The following GNPTAB variants were observed in gnomAD, a reference collection of about 807,000 sequenced individuals.
GNPTAB encodes N-acetylglucosamine-1-phosphotransferase subunits alpha/beta.
In GNPTAB, 92 loss-of-function variants were observed where a neutral mutation model predicts 136.6. The ratio of observed to expected loss-of-function variants is 0.67; its 90% CI spans 0.57 to 0.80. GNPTAB has a LOEUF of 0.80. Among genes scored for constraint, GNPTAB ranks in the 30% least tolerant of loss-of-function variants. The pLI is 0.00. For synonymous variants in GNPTAB, 512 were observed against 535.1 expected (o/e 0.96, Z 0.60); for missense variants, 1,343 against 1,501.8 (o/e 0.89, Z 1.75).
intron 1 of GNPTAB, among the ~76,000 whole-genome samples, chr12:101,802,527 C>A (rs1219510568): frequency 2.6e-5 from 4 of 151,502 alleles, no homozygotes; most frequent in Admixed American, 2.6e-4. Context: ...GGGATTTAGA[C>A]AAAAACACCC....
chr12:101,816,789 C>T (rs567414564), intron 1 of GNPTAB, among the ~76,000 whole-genome samples: 42 of 152,296 alleles, frequency 2.8e-4, no homozygotes, highest in African/African-American at 7.9e-4. Flanking sequence ...GATTTGGAGG[C>T]AAGCTAAGTG....
intron 1 of GNPTAB, among the ~76,000 whole-genome samples, chr12:101,826,237 C>G (rs1871078519): frequency 6.6e-6 from 1 of 152,098 alleles, no homozygotes; most frequent in Non-Finnish European, 1.5e-5. Context: ...GAAAAATTAC[C>G]ATTCATTACG....
intron 7 of GNPTAB, among the ~76,000 whole-genome samples, chr12:101,772,959 G>A (rs1953201379): frequency 1.3e-5 from 2 of 152,120 alleles, no homozygotes; most frequent in South Asian, 2.1e-4. Flanking sequence ...TGGGATTACA[G>A]GCAAGCACCA....
chr12:101,814,260 T>C (rs1391382495), intron 1 of GNPTAB, among the ~76,000 whole-genome samples: 4 of 151,570 alleles, frequency 2.6e-5, no homozygotes, highest in African/African-American at 4.9e-5. Flanking sequence ...CATTGAGCCA[T>C]TGCACTCCAG....
intron 1 of GNPTAB, among the ~76,000 whole-genome samples, chr12:101,826,838 A>C (rs956945601): frequency 1.3e-5 from 2 of 151,876 alleles, no homozygotes; most frequent in Non-Finnish European, 2.9e-5. Context: ...TAGTAACACC[A>C]TTTGTGGAGC....
At position 101,817,265 on chromosome 12, in the gene GNPTAB, CTTTTTTT is replaced by C. The variant is rs71438444; in HGVS notation, c.117+13287_117+13293del. On this transcript the variant is annotated intron_variant, in intron 1 of 20. Transcript: ENST00000299314. ...CCATTACCCAGATTTTATCATTCCA[CTTTTTTT>C]TTTTTTTTTTTTTTTGAGACAGGGT... Among the ~76,000 whole-genome samples, 80 of 108,188 alleles carry C rather than the reference CTTTTTTT, an allele frequency of 7.4e-4. 1 individual carries two copies. Among genetic ancestry groups the C allele is most frequent in the Middle Eastern group, 0.011 (2 of 178 alleles). 71.0% of individuals were successfully genotyped at this position (108,188 alleles called of 152,430 possible). A position where few individuals can be genotyped will look rare whatever the true frequency, so the allele number is the denominator to read the frequency against.
intron 1 of GNPTAB, among the ~76,000 whole-genome samples, chr12:101,827,093 T>C (rs1871126371): frequency 6.6e-6 from 1 of 151,002 alleles, no homozygotes; most frequent in South Asian, 2.1e-4. Context: ...CAGCTGGGAC[T>C]ACAGGCATGT....
chr12:101,814,943 G>C (rs1262551864), intron 1 of GNPTAB, among the ~76,000 whole-genome samples: 2 of 152,144 alleles, frequency 1.3e-5, no homozygotes, highest in South Asian at 2.1e-4. Context: ...GTGAGTAAAA[G>C]GCAAATAATG....
chr12:101,828,079 G>T (rs1299632609), intron 1 of GNPTAB, among the ~76,000 whole-genome samples: 1 of 152,176 alleles, frequency 6.6e-6, no homozygotes. Context: ...TTAACTATAT[G>T]ATCAAAGTAT....
intron 18 of GNPTAB, among the ~76,000 whole-genome samples, chr12:101,754,096 GA>G (rs1385620149): frequency 2.0e-5 from 3 of 150,528 alleles, no homozygotes; most frequent in Admixed American, 1.3e-4. Flanking sequence ...CTGCAGTGAG[GA>G]AAAAAAAGAA....
intron 1 of GNPTAB, among the ~76,000 whole-genome samples, chr12:101,827,352 C>T (rs1260194085): frequency 2.6e-5 from 4 of 152,062 alleles, no homozygotes; most frequent in African/African-American, 7.2e-5. Context: ...TCTCCTGCCT[C>T]GGCCTGCCAA....
At chr12:101,765,654 A>G (rs1953079724) in intron 12 of GNPTAB, 1 of 365,512 alleles carries the variant, frequency 2.7e-6, no homozygotes, top group Non-Finnish European at 5.1e-6. Flanking sequence ...CTATAGAGAT[A>G]TGGCATGGTT....
At position 101,788,422 on chromosome 12, in the gene GNPTAB, T is replaced by C. The variant is rs186251432; in HGVS notation, c.365+126A>G. ...TTTCCTGTCTAATAGATGTACCTAA[T>C]TTGGGGTCAAAAACTATATGGATAA... On this transcript the variant is annotated intron_variant, in intron 4 of 20. Coordinates refer to ENST00000299314, the MANE Select transcript of GNPTAB (RefSeq NM_024312.5). The C allele has an allele frequency of 8.3e-6, 6 of 721,548 alleles. No homozygotes were observed. The East Asian group carries it at 1.3e-4, about 15-fold the overall frequency. 44.7% of individuals were successfully genotyped at this position (721,548 alleles called of 1,614,324 possible).
rs281864983 is a variant in GNPTAB at position 101,764,954 on chromosome 12, GACTA to G, written c.1959_1962del (p.Ser654ProfsTer2). On this transcript the variant is annotated frameshift_variant, in exon 13 of 21. Coordinates refer to ENST00000299314, the MANE Select transcript of GNPTAB (RefSeq NM_024312.5). LOFTEE classifies it high-confidence loss of function. Reference sequence around the variant, plus strand: ...TCCGCCTCTGGAAGAAGTGTTATGGGACTAACTAAATTTTCGTAACCCTTCTGGG... The same window carrying G: ...TCCGCCTCTGGAAGAAGTGTTATGGGACTAAATTTTCGTAACCCTTCTGGG... 2.5e-6 allele frequency: 4 copies of G among 1,613,936 alleles called. No individual in the cohort carries two copies. The highest frequency in any genetic ancestry group is 3.4e-6 in the Non-Finnish European group (4 of 1,179,974).
chr12:101,791,019 A>G (rs1051061170), intron 2 of GNPTAB, among the ~76,000 whole-genome samples: 18 of 152,166 alleles, frequency 1.2e-4, no homozygotes, highest in Non-Finnish European at 2.4e-4. Context: ...TGTTCTCTAA[A>G]GTATCTGTGC....
intron 13 of GNPTAB, among the ~76,000 whole-genome samples, 171 bp downstream of exon 13, chr12:101,764,031 A>AT (rs1953043731): frequency 6.6e-6 from 1 of 152,098 alleles, no homozygotes; most frequent in African/African-American, 2.4e-5. Context: ...TTCATATGAC[A>AT]TTTTTTATTA....
chr12:101,754,986 A>G (rs990611950), intron 18 of GNPTAB, among the ~76,000 whole-genome samples: 2 of 152,236 alleles, frequency 1.3e-5, no homozygotes, highest in Non-Finnish European at 2.9e-5. Flanking sequence ...AAAAACCAAA[A>G]AAACACATAA....
intron 13 of GNPTAB, 48 bp from the exon 14 acceptor site, chr12:101,761,811 A>T: frequency 7.5e-7 from 1 of 1,325,154 alleles, no homozygotes; most frequent in Non-Finnish European, 1.1e-6. Context: ...TTAGTGCACA[A>T]GTGTACTTTG....
At chr12:101,766,749 A>G (rs1378016113) in intron 11 of GNPTAB, among the ~76,000 whole-genome samples, 1 of 152,240 alleles carries the variant, frequency 6.6e-6, no homozygotes, top group East Asian at 1.9e-4. Flanking sequence ...AGAAGATCTC[A>G]TATACCTTAA....
Sources: gnomAD v4.1 joint callset for allele counts (sites outside exome capture counted in the v4.1 genomes callset) on GRCh38, gnomAD v4.1.1 for gene constraint, MANE v1.5 for transcripts, NCBI Gene and HGNC (gene_info 2026-07-23, HGNC 2026-07-21) for gene names.